The following RBPJ variants were observed in gnomAD, a reference collection of about 807,000 sequenced individuals.
RBPJ encodes the protein recombining binding protein suppressor of hairless.
A neutral mutation model predicts 67.8 loss-of-function variants in RBPJ; 9 were observed. The observed-to-expected ratio is 0.13, with a 90% CI of 0.08 to 0.23. RBPJ has a LOEUF of 0.23. RBPJ is among the 10% of genes least tolerant of loss of function. RBPJ has a pLI of 1.00. For missense variants in RBPJ, 305 were observed against 595.6 expected (o/e 0.51, Z 5.08); for synonymous variants, 198 against 203.3 (o/e 0.97, Z 0.22).
intron 1 of RBPJ, among the ~76,000 whole-genome samples, chr4:26,257,513 C>T (rs1417485987): frequency 6.6e-6 from 1 of 152,138 alleles, no homozygotes; most frequent in African/African-American, 2.4e-5. Context: ...CCTGTAATCC[C>T]AGCTATTCGG....
intron 1 of RBPJ, chr4:26,368,052 A>G (rs541014884): frequency 6.6e-6 from 1 of 152,378 alleles, no homozygotes; most frequent in East Asian, 1.9e-4. Flanking sequence ...GTCAAAGTAC[A>G]TAGTTCAGTT....
At chr4:26,393,952 T>A (rs1485968812) in intron 2 of RBPJ, among the ~76,000 whole-genome samples, 1 of 152,142 alleles carries the variant, frequency 6.6e-6, no homozygotes, top group Non-Finnish European at 1.5e-5. Flanking sequence ...TAAACATAGT[T>A]CTGCCTACAC....
At chr4:26,299,007 T>C (rs1721980525) in intron 1 of RBPJ, among the ~76,000 whole-genome samples, 1 of 152,060 alleles carries the variant, frequency 6.6e-6, no homozygotes, top group Non-Finnish European at 1.5e-5. Context: ...CCTCCGAAAA[T>C]GCACGCTTTC....
At chr4:26,377,413 G>A (rs1450053682) in intron 1 of RBPJ, among the ~76,000 whole-genome samples, 1 of 152,180 alleles carries the variant, frequency 6.6e-6, no homozygotes, top group African/African-American at 2.4e-5. Flanking sequence ...CTTGAACACT[G>A]CTTTCCCTCT....
intron 1 of RBPJ, among the ~76,000 whole-genome samples, chr4:26,355,017 A>G (rs1727213631): frequency 6.6e-6 from 1 of 152,080 alleles, no homozygotes; most frequent in Non-Finnish European, 1.5e-5. Flanking sequence ...CTTGATTTAA[A>G]ACTTGTTTTT....
chr4:26,172,541 T>A (rs1297061744), intron 1 of RBPJ, among the ~76,000 whole-genome samples: 1 of 152,194 alleles, frequency 6.6e-6, no homozygotes, highest in Non-Finnish European at 1.5e-5. Context: ...GTAGCGTTCT[T>A]TCCTCAAAAG....
At position 26,424,320 on chromosome 4, in the gene RBPJ, A is replaced by G. The variant is rs528077457; in HGVS notation, c.497-22A>G. 3.7e-6 allele frequency: 6 copies of G among 1,611,308 alleles called. No homozygotes were observed. The South Asian group carries it at 6.6e-5, about 18-fold the overall frequency. Reference sequence around the variant, plus strand: ...CACCTTCTGCTCCAATCACATAAATAAGAGCTGTTTTTTCTTTGCAGTATG... The same window carrying G: ...CACCTTCTGCTCCAATCACATAAATGAGAGCTGTTTTTTCTTTGCAGTATG... On this transcript the variant is annotated intron_variant, in intron 5 of 10. Coordinates refer to ENST00000355476, the MANE Select transcript of RBPJ (RefSeq NM_015874.6). This position sits in a 1 kb window ranked among gnomAD's most constrained non-coding sequence, Gnocchi z 5.3.
the RBPJ span, among the ~76,000 whole-genome samples, chr4:26,157,112 C>CAA: frequency 4.4e-5 from 5 of 113,280 alleles, no homozygotes; most frequent in Non-Finnish European, 9.6e-5. Context: ...AACAAACAAA[C>CAA]AAACAAAAAA....
intron 1 of RBPJ, among the ~76,000 whole-genome samples, chr4:26,222,633 A>AATAGAT (rs138678139): frequency 1.5e-5 from 2 of 135,926 alleles, no homozygotes; most frequent in African/African-American, 2.7e-5. Flanking sequence ...TGTACTCTGA[A>AATAGAT]ATATATATAT....
At chr4:26,378,077 T>C (rs1354456571) in intron 1 of RBPJ, among the ~76,000 whole-genome samples, 2 of 152,160 alleles carry the variant, frequency 1.3e-5, no homozygotes, top group African/African-American at 4.8e-5. Flanking sequence ...CTGTGTGTCC[T>C]TAGTCTCCTT....
chr4:26,263,554 A>G (rs1038527308), intron 1 of RBPJ, among the ~76,000 whole-genome samples: 10 of 152,134 alleles, frequency 6.6e-5, no homozygotes, highest in African/African-American at 1.7e-4. Context: ...TTTAAGCTCT[A>G]TGAGGACATG....
intron 1 of RBPJ, among the ~76,000 whole-genome samples, chr4:26,373,195 C>A (rs1018315295): frequency 6.6e-6 from 1 of 152,144 alleles, no homozygotes; most frequent in African/African-American, 2.4e-5. Context: ...CTCTTCTCCC[C>A]CATTCTGAAC....
upstream of RBPJ, among the ~76,000 whole-genome samples, chr4:26,163,037 C>T (rs901701392): frequency 6.6e-6 from 1 of 152,060 alleles, no homozygotes; most frequent in Non-Finnish European, 1.5e-5. Flanking sequence ...CATCACCGTA[C>T]CTCAACTTTC....
chr4:26,203,766 C>T (rs766016195), intron 1 of RBPJ, among the ~76,000 whole-genome samples: 3 of 152,208 alleles, frequency 2.0e-5, no homozygotes, highest in Admixed American at 6.5e-5. Flanking sequence ...AATGGGGCCA[C>T]GGAGGTTGGC....
the RBPJ span, among the ~76,000 whole-genome samples, chr4:26,149,464 T>TTG: frequency 6.6e-6 from 1 of 152,218 alleles, no homozygotes; most frequent in Admixed American, 6.5e-5. Flanking sequence ...AAGCTGCTAT[T>TTG]GTTCGGATGT....
intron 3 of RBPJ, chr4:26,412,824 A>C (rs1034418903): frequency 1.3e-5 from 2 of 152,146 alleles, no homozygotes; most frequent in African/African-American, 4.8e-5. Context: ...CATAGTAAGC[A>C]TTGGGTAGCT....
chr4:26,244,116 AAG>A (rs1719741626), intron 1 of RBPJ, among the ~76,000 whole-genome samples: 1 of 147,674 alleles, frequency 6.8e-6, no homozygotes. Flanking sequence ...AAAGAAGAAA[AAG>A]AAACTTTAAA....
intron 1 of RBPJ, among the ~76,000 whole-genome samples, chr4:26,191,087 G>C (rs914033077): frequency 7.1e-6 from 1 of 140,072 alleles, no homozygotes; most frequent in Non-Finnish European, 1.5e-5. Flanking sequence ...AGTAGGTCAA[G>C]GCTGCAGTGA....
chr4:26,386,376 C>T lies in RBPJ; in HGVS notation c.44C>T (p.Pro15Leu), dbSNP rs560192327. The change falls in exon 2 of 11, where the codon CCT (proline) becomes CTT (leucine). Residue 15 changes from proline (P) to leucine (L), a missense_variant. Physicochemically the swap from Pro to Leu is moderately conservative, Grantham distance 98 (BLOSUM62 -3). Coordinates refer to ENST00000355476, the MANE Select transcript of RBPJ (RefSeq NM_015874.6). ...AGGAAATTTGGTGAGCGGCCTCCAC[C>T]TAAACGACTTACTAGGTGAGTATTA... is the stretch of plus-strand genomic sequence containing the variant. Reference protein sequence around the residue: ...VTGKFGERPPPKRLTREAMRN... With the variant: ...VTGKFGERPPLKRLTREAMRN... 2.5e-6 allele frequency: 4 copies of T among 1,598,776 alleles called. No individual in the cohort carries two copies. Among genetic ancestry groups the T allele is most frequent in the South Asian group, 2.3e-5 (2 of 87,966 alleles).
Sources: gnomAD v4.1 joint callset for allele counts (sites outside exome capture counted in the v4.1 genomes callset) on GRCh38, gnomAD v4.1.1 for gene constraint, Gnocchi (gnomAD v3.1) non-coding constraint, MANE v1.5 for transcripts, NCBI Gene and HGNC (gene_info 2026-07-23, HGNC 2026-07-21) for gene names.